GAS6: variants seen among roughly 807,000 people sequenced by gnomAD.
GAS6 encodes growth arrest-specific protein 6.
GAS6 carries 41 observed loss-of-function variants against 75.8 expected under a neutral mutation model. The ratio of observed to expected loss-of-function variants is 0.54; its 90% CI spans 0.42 to 0.70. The LOEUF (loss-of-function observed/expected upper bound fraction) is 0.70. Ranked by LOEUF, GAS6 falls within the 30% of genes least tolerant of loss-of-function variation. The probability of loss-of-function intolerance (pLI) is 0.00; values close to 1 mark genes in which losing one functional copy is unlikely to be tolerated. For missense variants in GAS6, 854 were observed against 940.2 expected (o/e 0.91, Z 1.20); for synonymous variants, 432 against 412.6 (o/e 1.05, Z -0.57).
At position 113,833,341 on chromosome 13, in the gene GAS6, G is replaced by A. The variant is rs1594195822; in HGVS notation, c.835-589C>T. On this transcript the variant is annotated intron_variant, in intron 8 of 14. Transcript: ENST00000327773. ...GCAGCGAGGCAAAGAACCTCAAGGC[G>A]AGGGCTGGCTGGAAGCCCTGAACGT... 4 of 998,998 alleles carry A rather than the reference G, an allele frequency of 4.0e-6. No homozygotes were observed. The South Asian group carries it at 1.3e-4, about 33-fold the overall frequency. 61.9% of individuals were successfully genotyped at this position (998,998 alleles called of 1,614,324 possible).
At position 113,823,403 on chromosome 13, in the gene GAS6, T is replaced by C. The variant is rs1393590464; in HGVS notation, c.1625A>G (p.Tyr542Cys). The C allele has an allele frequency of 2.5e-6, 4 of 1,611,978 alleles. No individual in the cohort carries two copies. Among genetic ancestry groups the C allele is most frequent in the Non-Finnish European group, 2.5e-6 (3 of 1,179,472 alleles). The stretch of plus-strand genomic sequence containing the variant: ...CTTCTTGAGTTTCTTCGTGGAGTGA[T>C]AGTCTACCAGTGCCACAGAGAGAGG... ...AVPLSVALVD[Y>C]HSTKKLKKQL... is the part of the protein sequence containing the mutation. The change falls in exon 13 of 15, where the codon TAT becomes TGT. Residue 542 changes from tyrosine (Y) to cysteine (C), a missense_variant. Tyr to Cys is a radical substitution (Grantham distance 194, BLOSUM62 -2). Coordinates refer to ENST00000327773, the MANE Select transcript of GAS6 (RefSeq NM_000820.4).
At chr13:113,834,416 C>A (rs79193035) in intron 8 of GAS6, 135 bp downstream of exon 8, 12 of 948,066 alleles carry the variant, frequency 1.3e-5, no homozygotes, top group Non-Finnish European at 1.6e-5. Flanking sequence ...TCATCCCAAA[C>A]CTCCACATGG....
Position 113,839,403 on chromosome 13 carries a change from CCGCCTTT to C in GAS6, c.466+318_466+324del, listed in dbSNP as rs2051751857. ...GACGGTCAGAGGTGAAATTTCCCCCCCGCCTTTCAATCAGTGGGTGCCACTGACACCA... is the reference window on the plus strand; with the variant it reads ...GACGGTCAGAGGTGAAATTTCCCCCCCAATCAGTGGGTGCCACTGACACCA... On this transcript the variant is annotated intron_variant, in intron 5 of 14. Coordinates refer to ENST00000327773, the MANE Select transcript of GAS6 (RefSeq NM_000820.4). 9 of 257,316 alleles carry C rather than the reference CCGCCTTT, an allele frequency of 3.5e-5. 2 individuals carry two copies. In the South Asian group the frequency reaches 6.4e-4, roughly 18 times the overall value. The allele number at this position is 257,316 out of a possible 1,614,324, so 15.9% of individuals were successfully genotyped here.
At chr13:113,847,876 A>T in intron 3 of GAS6, 150 bp downstream of exon 3, 1 of 741,416 alleles carries the variant, frequency 1.3e-6, no homozygotes, top group Non-Finnish European at 2.4e-6. Flanking sequence ...TGTGTTTCTG[A>T]CCTGCATGTT....
In GAS6 at chr13:113,830,521, T is replaced by C. The variant is rs11618637; in HGVS notation, c.1143+1778A>G. Among the ~76,000 whole-genome samples, 19 of 42,116 alleles carry C rather than the reference T, an allele frequency of 4.5e-4. 2 individuals are homozygous for C. The highest frequency in any genetic ancestry group is 1.3e-3 in the African/African-American group (5 of 3,762). The allele number at this position is 42,116 out of a possible 152,430, so 27.6% of individuals were successfully genotyped here. A position where few individuals can be genotyped will look rare whatever the true frequency, so the allele number is the denominator to read the frequency against. ...TCCCCTGCAACACCACTCCCCCAGG[T>C]GACCTCGCCTCAGGCCACCTGCCCC... On this transcript the variant is annotated intron_variant, in intron 10 of 14. Coordinates refer to ENST00000327773, the MANE Select transcript of GAS6 (RefSeq NM_000820.4).
In GAS6 at chr13:113,848,804, T is replaced by A. The variant is rs1432879261; in HGVS notation, c.256-754A>T. On this transcript the variant is annotated intron_variant, in intron 2 of 14. Coordinates refer to ENST00000327773, the MANE Select transcript of GAS6 (RefSeq NM_000820.4). The surrounding 1 kb of genome is among the most constrained non-coding windows in gnomAD (Gnocchi z 4.8). ...GGTATGAGTCAGCATTTTTACACTA[T>A]TTTATGAAATCCTCACAAATAACAC... Among the ~76,000 whole-genome samples, 1 of 151,834 alleles carries A rather than the reference T, an allele frequency of 6.6e-6. No homozygotes were observed. Among genetic ancestry groups the A allele is most frequent in the African/African-American group, 2.4e-5 (1 of 41,102 alleles).
At chr13:113,853,110 T>C (rs1350949009) in intron 2 of GAS6, among the ~76,000 whole-genome samples, 1 of 152,208 alleles carries the variant, frequency 6.6e-6, no homozygotes, top group Non-Finnish European at 1.5e-5. Context: ...TTTTTAAAAA[T>C]GGCCAAAACC....
At chr13:113,825,478 C>T (rs551935409) in intron 12 of GAS6, among the ~76,000 whole-genome samples, 4 of 152,176 alleles carry the variant, frequency 2.6e-5, no homozygotes, top group South Asian at 2.1e-4. Context: ...TTGTAAGAGA[C>T]GTTACTGGTA....
In GAS6 at chr13:113,828,645, C is replaced by G. The variant is rs767448147; in HGVS notation, c.1210G>C (p.Ala404Pro). 9.3e-6 allele frequency: 15 copies of G among 1,613,498 alleles called. No individual in the cohort carries two copies. The highest frequency in any genetic ancestry group is 1.2e-5 in the Non-Finnish European group (14 of 1,180,006). ...KVNRDAVMKIAVAGDLFQPER... is the reference protein window; with the variant it reads ...KVNRDAVMKIPVAGDLFQPER... ...GGTTGGAACAAGTCCCCGGCCACCGCGATTTTCATGACAGCATCCCTGTTG... is the reference window on the plus strand; with the variant it reads ...GGTTGGAACAAGTCCCCGGCCACCGGGATTTTCATGACAGCATCCCTGTTG... The change falls in exon 11 of 15, where the codon GCG becomes CCG. Residue 404 changes from alanine to proline, a missense_variant. Physicochemically the swap from Ala to Pro is conservative, Grantham distance 27 (BLOSUM62 -1). Transcript: ENST00000327773.
rs1185055645 is a variant in GAS6 at position 113,839,802 on chromosome 13, T to G, written c.392A>C (p.Gln131Pro). Residue 131 changes from glutamine (Q) to proline (P), a missense_variant, in exon 5 of 15, where the codon CAA (glutamine) becomes CCA (proline). Gln to Pro is a moderately conservative substitution (Grantham distance 76). Transcript: ENST00000327773. ...TPNPCDRKGT[Q>P]ACQDLMGNFF... ...GTTGCCCATGAGGTCCTGGCAGGCT[T>G]GGGTCCCCTTCCTATCGCAGGGGTT... 2 of 1,614,000 alleles carry G rather than the reference T, an allele frequency of 1.2e-6. No individual in the cohort carries two copies. Among genetic ancestry groups the G allele is most frequent in the Non-Finnish European group, 1.7e-6 (2 of 1,180,004 alleles).
At chr13:113,842,695 G>C in intron 4 of GAS6, 1 of 397,096 alleles carries the variant, frequency 2.5e-6, no homozygotes, top group Non-Finnish European at 4.4e-6. Flanking sequence ...CAACCCTCCG[G>C]CACCAGAACC....
rs558065097 is a variant in GAS6 at position 113,857,741 on chromosome 13, G to A, written c.255+5834C>T. ...TTGTTCCTAAATAACAAAGGGAGAC[G>A]TTCAGCGTTTCTCAAAACGTCTTTA... On this transcript the variant is annotated intron_variant, in intron 2 of 14. Transcript: ENST00000327773. Among the ~76,000 whole-genome samples, 123 of 152,334 alleles carry A rather than the reference G, an allele frequency of 8.1e-4. 3 individuals are homozygous for A. In the South Asian group the frequency reaches 0.018, roughly 23 times the overall value.
chr13:113,842,481 C>T, intron 4 of GAS6: 1 of 395,752 alleles, frequency 2.5e-6, no homozygotes, highest in Non-Finnish European at 4.4e-6. Context: ...CCTGACACTG[C>T]TGTCGCCCGG....
rs915219362 is a variant in GAS6, at chr13:113,837,032, G to A, written c.589+1037C>T. 4.0e-5 allele frequency among the ~76,000 whole-genome samples: 6 copies of A among 151,742 alleles called. No homozygotes were observed. The highest frequency in any genetic ancestry group is 5.9e-5 in the Non-Finnish European group (4 of 67,900). On this transcript the variant is annotated intron_variant, in intron 6 of 14. Coordinates refer to ENST00000327773, the MANE Select transcript of GAS6 (RefSeq NM_000820.4). The surrounding 1 kb of genome is among the most constrained non-coding windows in gnomAD (Gnocchi z 5.1). ...TGCCCGACTGGTGCAGGGACCCACG[G>A]GAGATGCTTTAGACGTCATCTCTCA...
intron 6 of GAS6, 50 bp downstream of exon 6, chr13:113,838,019 T>C (rs770173875): frequency 5.6e-6 from 9 of 1,601,066 alleles, no homozygotes; most frequent in African/African-American, 1.3e-5. Flanking sequence ...TGACCGAAAA[T>C]AGAAGGTGGG....
intron 5 of GAS6, among the ~76,000 whole-genome samples, chr13:113,838,420 C>CG (rs1210613691): frequency 2.1e-5 from 3 of 145,702 alleles, no homozygotes; most frequent in Admixed American, 6.8e-5. Flanking sequence ...GAAGGGACCC[C>CG]GGGGGTGCAC....
intron 10 of GAS6, 42 bp downstream of exon 10, chr13:113,832,257 G>A: frequency 6.3e-7 from 1 of 1,578,696 alleles, no homozygotes; most frequent in South Asian, 1.1e-5. Flanking sequence ...GGCTCAGGGA[G>A]AACCCCGTGA....
chr13:113,836,145 G>GA, intron 6 of GAS6: 1 of 754,484 alleles, frequency 1.3e-6, no homozygotes, highest in African/African-American at 2.4e-5. Flanking sequence ...GGGCAACCCT[G>GA]AAATGAAGAG....
intron 13 of GAS6, chr13:113,822,446 T>A (rs2051473810): frequency 5.1e-6 from 2 of 390,668 alleles, no homozygotes; most frequent in South Asian, 1.3e-4. Flanking sequence ...AGGTTGGGTG[T>A]GAGAGGGTCA....
Sources: gnomAD v4.1 joint callset for allele counts (sites outside exome capture counted in the v4.1 genomes callset) on GRCh38, gnomAD v4.1.1 for gene constraint, Gnocchi (gnomAD v3.1) non-coding constraint, MANE v1.5 for transcripts, NCBI Gene and HGNC (gene_info 2026-07-23, HGNC 2026-07-21) for gene names.